The following SGMS2 variants were observed in gnomAD, a reference collection of about 807,000 sequenced individuals.
The protein encoded by SGMS2 is phosphatidylcholine:ceramide cholinephosphotransferase 2.
SGMS2 carries 21 observed loss-of-function variants against 43.8 expected under a neutral mutation model. That is an observed-to-expected ratio of 0.48 (90% CI 0.34 to 0.69). The LOEUF (loss-of-function observed/expected upper bound fraction) is 0.69. Ranked by LOEUF, SGMS2 falls within the 30% of genes least tolerant of loss-of-function variation. The pLI is 0.01. For synonymous variants in SGMS2, 167 were observed against 160.6 expected (o/e 1.04, Z -0.30); for missense variants, 384 against 443.2 (o/e 0.87, Z 1.20).
chr4:107,912,845 C>T lies in SGMS2; in HGVS notation c.*2292C>T, dbSNP rs1732211822. ...TGTGATGCCAATGTGGACATTGCCG[C>T]TGCCATGTCTTTACACGCATGTGTC... On this transcript the variant is annotated 3_prime_UTR_variant, in exon 7 of 7. Transcript: ENST00000690982. 1 of 152,002 alleles carries T rather than the reference C, an allele frequency of 6.6e-6. No individual in the cohort carries two copies. The highest frequency in any genetic ancestry group is 2.1e-4 in the South Asian group (1 of 4,814). 9.4% of individuals were successfully genotyped at this position (152,002 alleles called of 1,614,324 possible).
intron 6 of SGMS2, among the ~76,000 whole-genome samples, chr4:107,909,126 G>C (rs1238560746): frequency 1.4e-5 from 2 of 146,562 alleles, no homozygotes; most frequent in Non-Finnish European, 3.0e-5. Flanking sequence ...TTTTTTTTGA[G>C]ACAGAGTCTT....
chr4:107,871,855 T>C (rs1728578488), intron 2 of SGMS2, among the ~76,000 whole-genome samples: 1 of 152,336 alleles, frequency 6.6e-6, no homozygotes, highest in South Asian at 2.1e-4. Flanking sequence ...CTCCACATAA[T>C]GCTTTTGTTT....
chr4:107,845,469 T>G (rs1436327982), intron 1 of SGMS2, among the ~76,000 whole-genome samples: 1 of 152,220 alleles, frequency 6.6e-6, no homozygotes, highest in Non-Finnish European at 1.5e-5. Flanking sequence ...CATAATCAGC[T>G]GGTCCTCAAG....
At position 107,912,601 on chromosome 4, in the gene SGMS2, A is replaced by T. The variant is rs1438907854; in HGVS notation, c.*2048A>T. On this transcript the variant is annotated 3_prime_UTR_variant, in exon 7 of 7. Transcript: ENST00000690982. ...TTTTCCTTGAGCCTCTAATTCAAAT[A>T]AAACAAACTGATACACCTTACAGCC... 1.3e-5 allele frequency: 2 copies of T among 152,164 alleles called. No homozygotes were observed. The highest frequency in any genetic ancestry group is 2.9e-5 in the Non-Finnish European group (2 of 68,032). 9.4% of individuals were successfully genotyped at this position (152,164 alleles called of 1,614,324 possible). A position where few individuals can be genotyped will look rare whatever the true frequency, so the allele number is the denominator to read the frequency against.
At chr4:107,866,420 G>T (rs1182857499) in intron 2 of SGMS2, among the ~76,000 whole-genome samples, 2 of 151,982 alleles carry the variant, frequency 1.3e-5, no homozygotes, top group African/African-American at 4.8e-5. Flanking sequence ...AGAAAAATTA[G>T]CCAGGCGTAG....
chr4:107,895,412 A>G lies in SGMS2; in HGVS notation c.-142A>G, dbSNP rs1440798362. The G allele has an allele frequency of 2.4e-6, 2 of 833,966 alleles. No individual in the cohort carries two copies. The highest frequency in any genetic ancestry group is 3.4e-5 in the African/African-American group (2 of 58,286). 51.7% of individuals were successfully genotyped at this position (833,966 alleles called of 1,614,324 possible). A position where few individuals can be genotyped will look rare whatever the true frequency, so the allele number is the denominator to read the frequency against. ...TGGAAGAAACAGTAATCGGATGGCTACCTTCTACATTTTGTATTAGGAAAC... is the reference window on the plus strand; with the variant it reads ...TGGAAGAAACAGTAATCGGATGGCTGCCTTCTACATTTTGTATTAGGAAAC... On this transcript the variant is annotated 5_prime_UTR_variant, in exon 3 of 7. Coordinates refer to ENST00000690982, the MANE Select transcript of SGMS2 (RefSeq NM_001375905.1).
intron 1 of SGMS2, among the ~76,000 whole-genome samples, chr4:107,855,089 T>C (rs2126021489): frequency 6.6e-6 from 1 of 152,296 alleles, no homozygotes; most frequent in Non-Finnish European, 1.5e-5. Context: ...AAGACTTAAC[T>C]AGTATGCTCT....
intron 2 of SGMS2, among the ~76,000 whole-genome samples, chr4:107,869,794 A>C (rs1228933237): frequency 1.3e-5 from 2 of 152,166 alleles, no homozygotes; most frequent in Non-Finnish European, 2.9e-5. Context: ...GTTATGGCTA[A>C]TGGGGTTCAC....
intron 2 of SGMS2, among the ~76,000 whole-genome samples, chr4:107,873,618 T>C (rs1553931103): frequency 6.6e-6 from 1 of 152,052 alleles, no homozygotes; most frequent in Non-Finnish European, 1.5e-5. Context: ...CTGTGTTTAT[T>C]TGCATACAAT....
chr4:107,903,531 A>ATG (rs935281376), intron 5 of SGMS2, 145 bp downstream of exon 5: 86 of 665,046 alleles, frequency 1.3e-4, no homozygotes, highest in Middle Eastern at 4.0e-4. Flanking sequence ...GTGAATGTGA[A>ATG]TGTGTGTGTG....
intron 2 of SGMS2, chr4:107,867,767 T>C (rs1728238100): frequency 6.6e-6 from 1 of 152,154 alleles, no homozygotes; most frequent in Non-Finnish European, 1.5e-5. Context: ...GTGTTAGCTA[T>C]AGCTCTTGTT....
At chr4:107,833,488 A>C (rs1298734842) in intron 1 of SGMS2, among the ~76,000 whole-genome samples, 1 of 152,190 alleles carries the variant, frequency 6.6e-6, no homozygotes, top group African/African-American at 2.4e-5. Context: ...CCAATGTGAC[A>C]CCATAAATGA....
rs116505182 is a variant in SGMS2, at chr4:107,845,818, G to A, written c.-326-12654G>A. On this transcript the variant is annotated intron_variant, in intron 1 of 6. Coordinates refer to ENST00000690982, the MANE Select transcript of SGMS2 (RefSeq NM_001375905.1). ...GTGTTGCACGCTGAATGAGGGATAAGGCGTGTCCTGCCATTTGTTATATAA... is the reference window on the plus strand; with the variant it reads ...GTGTTGCACGCTGAATGAGGGATAAAGCGTGTCCTGCCATTTGTTATATAA... Among the ~76,000 whole-genome samples, 732 of 152,284 alleles carry A rather than the reference G, an allele frequency of 4.8e-3. 5 individuals carry two copies. Among genetic ancestry groups the A allele is most frequent in the African/African-American group, 0.017 (702 of 41,548 alleles).
At chr4:107,888,658 T>C (rs975782158) in intron 2 of SGMS2, among the ~76,000 whole-genome samples, 1 of 152,150 alleles carries the variant, frequency 6.6e-6, no homozygotes, top group Non-Finnish European at 1.5e-5. Context: ...TCCTGGTTCA[T>C]TTTACCTGGT....
chr4:107,875,504 T>C (rs1365052183), intron 2 of SGMS2, among the ~76,000 whole-genome samples: 4 of 152,130 alleles, frequency 2.6e-5, no homozygotes, highest in Non-Finnish European at 5.9e-5. Context: ...GCTGCCCACC[T>C]ACCGAAGGGT....
intron 2 of SGMS2, among the ~76,000 whole-genome samples, chr4:107,875,475 GAGGGAAACAAAATACAC>G (rs772744442): frequency 6.6e-6 from 1 of 152,126 alleles, no homozygotes; most frequent in Non-Finnish European, 1.5e-5. Flanking sequence ...TGGACACATA[GAGGGAAACAAAATACAC>G]TGCTGCCCAC....
chr4:107,841,914 A>G (rs1726533219), intron 1 of SGMS2, among the ~76,000 whole-genome samples: 1 of 152,118 alleles, frequency 6.6e-6, no homozygotes, highest in South Asian at 2.1e-4. Flanking sequence ...GCCTCTCAAA[A>G]TGCTGGAACT....
intron 2 of SGMS2, among the ~76,000 whole-genome samples, chr4:107,866,368 C>T (rs1422354325): frequency 6.6e-6 from 1 of 152,006 alleles, no homozygotes; most frequent in Non-Finnish European, 1.5e-5. Flanking sequence ...GAGTTGGAGA[C>T]CAGCCTGGCT....
At chr4:107,883,215 A>C (rs1729496290) in intron 2 of SGMS2, among the ~76,000 whole-genome samples, 1 of 152,216 alleles carries the variant, frequency 6.6e-6, no homozygotes, top group African/African-American at 2.4e-5. Context: ...ATAAGTATCG[A>C]TCACATGGCC....
Sources: allele counts gnomAD v4.1 joint callset (sites outside exome capture counted in the v4.1 genomes callset), GRCh38; gene constraint gnomAD v4.1.1; transcripts MANE v1.5; gene names NCBI Gene and HGNC (gene_info 2026-07-23, HGNC 2026-07-21).